Variants in ULK4 observed in about 807,000 individuals in gnomAD.
ULK4 encodes the protein inactive serine/threonine-protein kinase ULK4.
Under a neutral mutation model 160.6 loss-of-function variants are expected in ULK4, and 133 were observed. The observed-to-expected ratio is 0.83, with a 90% CI of 0.72 to 0.96. The LOEUF is 0.96. Among genes scored for constraint, ULK4 ranks in the 40% least tolerant of loss-of-function variants. ULK4 has a pLI of 0.00. For missense variants in ULK4, 1,580 were observed against 1,499.5 expected (o/e 1.05, Z -0.89); for synonymous variants, 534 against 539.8 (o/e 0.99, Z 0.15).
At chr3:41,663,744 A>G in intron 29 of ULK4, 45 bp from the exon 30 acceptor site, 1 of 1,499,012 alleles carries the variant, frequency 6.7e-7, no homozygotes, top group Non-Finnish European at 9.3e-7. Flanking sequence ...AGGAAAAATT[A>G]TGTCCAACCT....
chr3:41,329,941 C>T (rs995361082), intron 35 of ULK4, among the ~76,000 whole-genome samples: 3 of 152,102 alleles, frequency 2.0e-5, no homozygotes, highest in African/African-American at 7.2e-5. Flanking sequence ...AATTAAAATT[C>T]CCTAACTTGT....
intron 31 of ULK4, among the ~76,000 whole-genome samples, chr3:41,583,719 A>G (rs1225537079): frequency 1.3e-5 from 2 of 152,096 alleles, no homozygotes; most frequent in African/African-American, 2.4e-5. Context: ...ATGGACTTTT[A>G]CCATGTTTGG....
intron 35 of ULK4, among the ~76,000 whole-genome samples, chr3:41,286,907 T>TAAC (rs2079470703): frequency 1.3e-5 from 2 of 152,216 alleles, no homozygotes; most frequent in East Asian, 3.9e-4. Context: ...TCTGTCATCT[T>TAAC]AACTCAACTG....
intron 21 of ULK4, among the ~76,000 whole-genome samples, chr3:41,780,480 A>T (rs1212084454): frequency 6.6e-6 from 1 of 152,060 alleles, no homozygotes; most frequent in East Asian, 1.9e-4. Flanking sequence ...GATTCAAGAG[A>T]CTACCCAAGA....
At chr3:41,413,378 A>G (rs2082451824) in intron 34 of ULK4, among the ~76,000 whole-genome samples, 1 of 152,212 alleles carries the variant, frequency 6.6e-6, no homozygotes, top group African/African-American at 2.4e-5. Flanking sequence ...ATGGGAGAAA[A>G]TATTTTTACC....
intron 27 of ULK4, among the ~76,000 whole-genome samples, chr3:41,685,722 C>A (rs1458372699): frequency 6.6e-6 from 1 of 152,096 alleles, no homozygotes. Flanking sequence ...TTTATCAATT[C>A]GTATGTTTTG....
chr3:41,840,084 G>T (rs967462504), intron 17 of ULK4, among the ~76,000 whole-genome samples: 2 of 152,058 alleles, frequency 1.3e-5, no homozygotes, highest in Non-Finnish European at 2.9e-5. Context: ...TATTATAAAA[G>T]TTATATGGAA....
At chr3:41,644,749 A>T (rs2034401498) in intron 30 of ULK4, among the ~76,000 whole-genome samples, 1 of 150,684 alleles carries the variant, frequency 6.6e-6, no homozygotes, top group African/African-American at 2.4e-5. Context: ...TATTGATTGG[A>T]ATAGTTTCAG....
intron 6 of ULK4, among the ~76,000 whole-genome samples, chr3:41,919,277 C>A (rs1411486767): frequency 1.3e-5 from 2 of 152,116 alleles, no homozygotes; most frequent in Non-Finnish European, 2.9e-5. Context: ...GCAACTCAGC[C>A]AAAATCAGTA....
chr3:41,618,143 A>G (rs548333565), intron 30 of ULK4, among the ~76,000 whole-genome samples: 24 of 152,268 alleles, frequency 1.6e-4, no homozygotes, highest in African/African-American at 5.5e-4. Context: ...CAAACCTATG[A>G]TTGACTGGTA....
chr3:41,591,085 A>T (rs2031268972), intron 31 of ULK4, among the ~76,000 whole-genome samples: 1 of 152,172 alleles, frequency 6.6e-6, no homozygotes, highest in Non-Finnish European at 1.5e-5. Context: ...AAGAGAGGAA[A>T]ATCTTAAAAG....
intron 34 of ULK4, among the ~76,000 whole-genome samples, chr3:41,413,208 G>A (rs1483928752): frequency 6.6e-6 from 1 of 152,104 alleles, no homozygotes; most frequent in African/African-American, 2.4e-5. Flanking sequence ...CAGTATGGGG[G>A]AAACTGCCCC....
At position 41,803,028 on chromosome 3, in the gene ULK4, G is replaced by A. The variant is rs764373268; in HGVS notation, c.1849-2735C>T. Reference sequence around the variant, plus strand: ...AAAAACACAAAAATTAGCTGGGCATGGTGGCACGTGCTTATAATCCTAGCT... The same window carrying A: ...AAAAACACAAAAATTAGCTGGGCATAGTGGCACGTGCTTATAATCCTAGCT... On this transcript the variant is annotated intron_variant, in intron 19 of 36. Transcript: ENST00000301831. Among the ~76,000 whole-genome samples, 17 of 152,078 alleles carry A rather than the reference G, an allele frequency of 1.1e-4. 1 individual carries two copies. The highest frequency in any genetic ancestry group is 1.0e-4 in the Non-Finnish European group (7 of 68,022).
intron 2 of ULK4, among the ~76,000 whole-genome samples, chr3:41,939,979 C>G (rs530114728): frequency 9.9e-4 from 150 of 152,064 alleles, no homozygotes; most frequent in African/African-American, 3.5e-3. Flanking sequence ...TTCCACAAAA[C>G]CAGTCCCTGG....
At chr3:41,891,892 G>A (rs141118157) in intron 16 of ULK4, among the ~76,000 whole-genome samples, 65 of 152,194 alleles carry the variant, frequency 4.3e-4, no homozygotes, top group African/African-American at 6.5e-4. Context: ...GTGACTGAGC[G>A]AGACTCCGTC....
chr3:41,254,834 G>A (rs1419108984), intron 35 of ULK4, among the ~76,000 whole-genome samples: 5 of 150,992 alleles, frequency 3.3e-5, no homozygotes, highest in South Asian at 4.2e-4. Context: ...ACTGAGCAGA[G>A]ATCATGCCAC....
chr3:41,801,775 T>A (rs558625785), intron 19 of ULK4, among the ~76,000 whole-genome samples: 1 of 151,926 alleles, frequency 6.6e-6, no homozygotes, highest in Admixed American at 6.6e-5. Flanking sequence ...CACTTGAGCA[T>A]AGGAGTTGGA....
chr3:41,851,532 A>T (rs1182116187), intron 17 of ULK4, among the ~76,000 whole-genome samples: 1 of 152,164 alleles, frequency 6.6e-6, no homozygotes, highest in Non-Finnish European at 1.5e-5. Flanking sequence ...ATTGGTCTAA[A>T]ATTCTCTTTT....
chr3:41,571,282 G>A (rs1485136129), intron 31 of ULK4, among the ~76,000 whole-genome samples: 1 of 152,138 alleles, frequency 6.6e-6, no homozygotes. Context: ...GGTTCTCTAG[G>A]TGAAATAAGA....
Sources: gnomAD v4.1 joint callset for allele counts (sites outside exome capture counted in the v4.1 genomes callset) on GRCh38, gnomAD v4.1.1 for gene constraint, MANE v1.5 for transcripts, NCBI Gene and HGNC (gene_info 2026-07-23, HGNC 2026-07-21) for gene names.